SLC2A9: variants seen among roughly 807,000 people sequenced by gnomAD.
SLC2A9 encodes solute carrier family 2, facilitated glucose transporter member 9.
Under a neutral mutation model 50.6 loss-of-function variants are expected in SLC2A9, and 39 were observed. The ratio of observed to expected loss-of-function variants is 0.77; its 90% CI spans 0.60 to 1.01. SLC2A9 has a LOEUF of 1.01. Ranked by LOEUF, SLC2A9 falls within the 50% of genes least tolerant of loss-of-function variation. The pLI is 0.00. For missense variants in SLC2A9, 686 were observed against 677.6 expected (o/e 1.01, Z -0.14); for synonymous variants, 324 against 276.9 (o/e 1.17, Z -1.69).
At chr4:9,878,157 T>C (rs1734595450) in intron 10 of SLC2A9, among the ~76,000 whole-genome samples, 1 of 152,094 alleles carries the variant, frequency 6.6e-6, no homozygotes, top group Admixed American at 6.5e-5. Context: ...TATATATATA[T>C]ATAAAATTGC....
intron 10 of SLC2A9, among the ~76,000 whole-genome samples, chr4:9,877,385 T>C (rs1734476220): frequency 1.3e-5 from 2 of 152,202 alleles, no homozygotes; most frequent in Non-Finnish European, 2.9e-5. Flanking sequence ...GGGTAGTGCC[T>C]GCCCCCCTGG....
intron 3 of SLC2A9, among the ~76,000 whole-genome samples, chr4:9,799,699 C>CA (rs1560128468): frequency 2.1e-4 from 16 of 76,764 alleles, no homozygotes; most frequent in Non-Finnish European, 3.5e-4. Flanking sequence ...TGTACCCCCC[C>CA]CCCACCCAAC....
intron 8 of SLC2A9, among the ~76,000 whole-genome samples, chr4:9,901,353 C>A (rs567830885): frequency 2.0e-5 from 3 of 152,286 alleles, no homozygotes; most frequent in African/African-American, 7.2e-5. Context: ...AAAGGAATGT[C>A]TGTCAAGGGA....
chr4:9,977,158 A>T (rs1403711641), intron 5 of SLC2A9, among the ~76,000 whole-genome samples: 1 of 152,162 alleles, frequency 6.6e-6, no homozygotes, highest in African/African-American at 2.4e-5. Flanking sequence ...TGAAGCACTC[A>T]TCATGTCCTC....
intron 10 of SLC2A9, among the ~76,000 whole-genome samples, chr4:9,850,132 G>A (rs188075957): frequency 3.3e-5 from 5 of 152,238 alleles, no homozygotes; most frequent in Non-Finnish European, 7.4e-5. Context: ...GGGCTGCTGA[G>A]CAATGGGACT....
chr4:9,816,935 C>T (rs142452067), intron 3 of SLC2A9, among the ~76,000 whole-genome samples: 7 of 152,222 alleles, frequency 4.6e-5, no homozygotes, highest in African/African-American at 1.4e-4. Context: ...TTCATAGAGA[C>T]GCAACACCTT....
At chr4:9,856,435 G>A (rs187980223) in intron 10 of SLC2A9, among the ~76,000 whole-genome samples, 5 of 152,268 alleles carry the variant, frequency 3.3e-5, no homozygotes, top group African/African-American at 1.2e-4. Flanking sequence ...ACATCAGTCA[G>A]AATGGCTATT....
intron 6 of SLC2A9, among the ~76,000 whole-genome samples, chr4:9,936,650 G>C (rs1285418835): frequency 6.6e-6 from 1 of 152,182 alleles, no homozygotes; most frequent in Non-Finnish European, 1.5e-5. Context: ...TCCAGCTACA[G>C]AAGGGGCGGG....
chr4:10,019,359 G>T, intron 1 of SLC2A9: 1 of 519,794 alleles, frequency 1.9e-6, no homozygotes, highest in South Asian at 2.3e-5. Flanking sequence ...CAGCTGCTCT[G>T]GGCAGCTCCA....
At chr4:10,024,213 C>T (rs376415644), upstream of SLC2A9, among the ~76,000 whole-genome samples, 5 of 151,360 alleles carry the variant, frequency 3.3e-5, no homozygotes, top group African/African-American at 1.2e-4. Flanking sequence ...CTGCTGCTCA[C>T]GTGTGCCTTC....
chr4:9,977,471 C>T (rs1052936788), intron 5 of SLC2A9, among the ~76,000 whole-genome samples: 2 of 152,078 alleles, frequency 1.3e-5, no homozygotes, highest in African/African-American at 4.8e-5. Flanking sequence ...CCATCCTTCC[C>T]TGTGCTCATT....
At chr4:9,910,123 A>G (rs1230303469) in intron 7 of SLC2A9, among the ~76,000 whole-genome samples, 1 of 152,242 alleles carries the variant, frequency 6.6e-6, no homozygotes, top group African/African-American at 2.4e-5. Flanking sequence ...TACGACACCC[A>G]TTTCTTCGAG....
At chr4:10,015,372 ACACTGC>A (rs1375768575) in intron 2 of SLC2A9, among the ~76,000 whole-genome samples, 9 of 152,210 alleles carry the variant, frequency 5.9e-5, no homozygotes. Context: ...TTGAATTCCA[ACACTGC>A]CACCTCCTGG....
chr4:10,028,854 T>C (rs1173877908), intron 1 of SLC2A9, among the ~76,000 whole-genome samples: 1 of 151,984 alleles, frequency 6.6e-6, no homozygotes, highest in Non-Finnish European at 1.5e-5. Flanking sequence ...CCCCACAGCA[T>C]ATCCAGCACT....
chr4:9,964,030 C>A (rs921570665), intron 5 of SLC2A9, among the ~76,000 whole-genome samples: 2 of 152,170 alleles, frequency 1.3e-5, no homozygotes, highest in South Asian at 4.1e-4. Flanking sequence ...TCATACGGAC[C>A]TGGCACGTCA....
intron 5 of SLC2A9, among the ~76,000 whole-genome samples, chr4:9,947,113 C>A (rs553451521): frequency 6.6e-6 from 1 of 152,300 alleles, no homozygotes; most frequent in Non-Finnish European, 1.5e-5. Flanking sequence ...CAGTGTCTGA[C>A]CCCTCTAGGA....
At chr4:9,910,381 T>C (rs1435629130) in intron 7 of SLC2A9, among the ~76,000 whole-genome samples, 2 of 152,216 alleles carry the variant, frequency 1.3e-5, no homozygotes, top group South Asian at 2.1e-4. Context: ...CTATGTCCAT[T>C]GAATATGTTT....
At chr4:9,880,222 A>G in intron 10 of SLC2A9, 1 of 985,482 alleles carries the variant, frequency 1.0e-6, no homozygotes. Context: ...TTTAAACTGT[A>G]CACTCTCAAT....
At chr4:10,038,506 CAAAAAAA>C (rs35698968) in intron 1 of SLC2A9, among the ~76,000 whole-genome samples, 71 of 49,450 alleles carry the variant, frequency 1.4e-3, no homozygotes, top group Middle Eastern at 0.029. Context: ...GACTCTGTCT[CAAAAAAA>C]AAAAAAAAAA....
Sources: allele counts gnomAD v4.1 joint callset (sites outside exome capture counted in the v4.1 genomes callset), GRCh38; gene constraint gnomAD v4.1.1; transcripts MANE v1.5; gene names NCBI Gene and HGNC (gene_info 2026-07-23, HGNC 2026-07-21).